Variants in PLEKHG5 observed in about 807,000 individuals in gnomAD.
PLEKHG5 encodes the protein pleckstrin homology and RhoGEF domain containing G5.
Under a neutral mutation model 103.8 loss-of-function variants are expected in PLEKHG5, and 52 were observed. That is an observed-to-expected ratio of 0.50 (90% confidence interval 0.40 to 0.63). The LOEUF is 0.63. PLEKHG5 is among the 30% of genes least tolerant of loss of function. The pLI, the probability that PLEKHG5 is intolerant of heterozygous loss-of-function variation, is 0.00. For missense variants in PLEKHG5, 1,205 were observed against 1,347.6 expected (o/e 0.89, Z 1.66); for synonymous variants, 592 against 575.5 (o/e 1.03, Z -0.41).
chr1:6,474,067 G>C lies in PLEKHG5; in HGVS notation c.537C>G (p.Pro179=). ...GGGCGTCCACACGCTCCAGGGCGGG[G>C]GGCCCGGTCCCAGCTGGCCGCAGAA... ...LPILRPAGTG[P]PALERVDAQS... Residue 179 remains proline, a synonymous_variant, in exon 7 of 21, where the codon CCC becomes CCG. Coordinates refer to ENST00000377728, the MANE Select transcript of PLEKHG5 (RefSeq NM_020631.6). The C allele has an allele frequency of 6.2e-7, 1 of 1,612,328 alleles. No homozygotes were observed.
chr1:6,511,513 C>A (rs980253203), intron 1 of PLEKHG5, among the ~76,000 whole-genome samples: 3 of 152,226 alleles, frequency 2.0e-5, no homozygotes, highest in African/African-American at 7.2e-5. Flanking sequence ...CTGGCGGTCA[C>A]CCAGCAGCTG....
At chr1:6,485,376 C>A in intron 1 of PLEKHG5, 1 of 1,414,212 alleles carries the variant, frequency 7.1e-7, no homozygotes, top group Admixed American at 3.1e-5. Flanking sequence ...CTCCGAGTCC[C>A]GGAGGGGCAG....
At chr1:6,496,919 G>A, upstream of PLEKHG5, 1 of 1,478,370 alleles carries the variant, frequency 6.8e-7, no homozygotes, top group South Asian at 1.3e-5. Flanking sequence ...GGCTGCTGGG[G>A]GGAAGGGGCT....
chr1:6,477,352 G>A (rs573490087), intron 2 of PLEKHG5, among the ~76,000 whole-genome samples, 177 bp downstream of exon 2: 4 of 152,350 alleles, frequency 2.6e-5, no homozygotes, highest in East Asian at 1.9e-4. Context: ...GAAGGGGCAC[G>A]CTCATGGACT....
chr1:6,470,531 T>C lies in PLEKHG5; in HGVS notation c.1655A>G (p.Glu552Gly), dbSNP rs758307498. The change falls in exon 15 of 21, where the codon GAA (glutamate) becomes GGA (glycine). Residue 552 changes from glutamate (E) to glycine (G), a missense_variant. Physicochemically the swap from Glu to Gly is moderately conservative, Grantham distance 98 (BLOSUM62 -2). Transcript: ENST00000377728. ...VSRIDAYEVVESSSDEVDKLL... is the reference protein window; with the variant it reads ...VSRIDAYEVVGSSSDEVDKLL... ...CTTGTCCACTTCGTCGCTGCTGCTTTCCACCACCTCGTAGGCGTCGATGCG... is the reference window on the plus strand; with the variant it reads ...CTTGTCCACTTCGTCGCTGCTGCTTCCCACCACCTCGTAGGCGTCGATGCG... The C allele has an allele frequency of 6.2e-7, 1 of 1,608,536 alleles. No homozygotes were observed. The highest frequency in any genetic ancestry group is 8.5e-7 in the Non-Finnish European group (1 of 1,179,882).
chr1:6,467,392 C>T lies in PLEKHG5; in HGVS notation c.*171G>A. The stretch of plus-strand genomic sequence containing the variant: ...GGTACTGTGGCCTGGGCCTCCTCCA[C>T]TCCATCCAGTCCGGCAAAGCGCAAA... On this transcript the variant is annotated 3_prime_UTR_variant, in exon 21 of 21. Coordinates refer to ENST00000377728, the MANE Select transcript of PLEKHG5 (RefSeq NM_020631.6). 1.3e-6 allele frequency: 1 copy of T among 788,776 alleles called. No individual in the cohort carries two copies. The highest frequency in any genetic ancestry group is 1.4e-5 in the South Asian group (1 of 72,920). 48.9% of individuals were successfully genotyped at this position (788,776 alleles called of 1,614,324 possible).
rs1569962206 is a variant in PLEKHG5 at position 6,490,770 on chromosome 1, G to A, written c.-88+867C>T. ...GGGGTAATCCAGGATCCGGGCTCAGGGGAGGGGGTGGGGGGCGTCACTGTC... is the reference window on the plus strand; with the variant it reads ...GGGGTAATCCAGGATCCGGGCTCAGAGGAGGGGGTGGGGGGCGTCACTGTC... On this transcript the variant is annotated intron_variant, in intron 1 of 20. Coordinates refer to ENST00000377728, the MANE Select transcript of PLEKHG5 (RefSeq NM_020631.6). The surrounding 1 kb of genome is among the most constrained non-coding windows in gnomAD (Gnocchi z 8.0). 6.6e-6 allele frequency among the ~76,000 whole-genome samples: 1 copy of A among 152,270 alleles called. No homozygotes were observed. The highest frequency in any genetic ancestry group is 1.9e-4 in the East Asian group (1 of 5,160).
chr1:6,469,252 G>T lies in PLEKHG5; in HGVS notation c.2050-11C>A. Reference sequence around the variant, plus strand: ...CTGTTGCAGCTGGTTCTGCAGGCAAGGTTGGGGTACATGGGACAGAATGGG... The same window carrying T: ...CTGTTGCAGCTGGTTCTGCAGGCAATGTTGGGGTACATGGGACAGAATGGG... On this transcript the variant is annotated splice_polypyrimidine_tract_variant and intron_variant, in intron 18 of 20. Coordinates refer to ENST00000377728, the MANE Select transcript of PLEKHG5 (RefSeq NM_020631.6). The T allele has an allele frequency of 6.2e-7, 1 of 1,613,940 alleles. No individual in the cohort carries two copies. Among genetic ancestry groups the T allele is most frequent in the Admixed American group, 1.7e-5 (1 of 60,024 alleles).
chr1:6,489,855 T>G lies in PLEKHG5; in HGVS notation c.-88+1782A>C, dbSNP rs72634726. Among the ~76,000 whole-genome samples the G allele has an allele frequency of 8.4e-3, 1,285 of 152,212 alleles. 11 individuals carry two copies. The highest frequency in any genetic ancestry group is 0.021 in the South Asian group (99 of 4,824). ...CCCCGGCTAAAGGGCAGGAGAATGG[T>G]AAAATACCCCCGAGCTCCCTCAACT... On this transcript the variant is annotated intron_variant, in intron 1 of 20. Transcript: ENST00000377728.
At chr1:6,513,963 T>C (rs1017116552) in intron 1 of PLEKHG5, among the ~76,000 whole-genome samples, 3 of 152,192 alleles carry the variant, frequency 2.0e-5, no homozygotes, top group African/African-American at 7.2e-5. Flanking sequence ...GGAGGCTGTT[T>C]CCTGAGAGCC....
rs1374325112 is a variant in PLEKHG5 at position 6,475,590 on chromosome 1, G to C, written c.150-68C>G. ...CCCTCGCCAGCGTGGGCGGCGAGTGGGCCTGTGGCCTCCCCGCCCTTGGCT... is the reference window on the plus strand; with the variant it reads ...CCCTCGCCAGCGTGGGCGGCGAGTGCGCCTGTGGCCTCCCCGCCCTTGGCT... On this transcript the variant is annotated intron_variant, in intron 3 of 20. Transcript: ENST00000377728. 6 of 1,330,516 alleles carry C rather than the reference G, an allele frequency of 4.5e-6. No homozygotes were observed. In the South Asian group the frequency reaches 5.8e-5, roughly 13 times the overall value. The allele number at this position is 1,330,516 out of a possible 1,614,324, so 82.4% of individuals were successfully genotyped here.
chr1:6,501,595 G>A (rs1645297498), upstream of PLEKHG5, among the ~76,000 whole-genome samples: 1 of 152,206 alleles, frequency 6.6e-6, no homozygotes, highest in African/African-American at 2.4e-5. The surrounding 1 kb of genome is among the most constrained non-coding windows in gnomAD (Gnocchi z 4.3). Flanking sequence ...CTAACTCTGT[G>A]TAGAGGAATG....
intron 1 of PLEKHG5, chr1:6,485,566 G>T: frequency 1.0e-6 from 1 of 975,794 alleles, no homozygotes; most frequent in Non-Finnish European, 1.3e-6. Flanking sequence ...GGCCGGGCCC[G>T]GAACAGCCCC....
intron 1 of PLEKHG5, chr1:6,485,419 C>T: frequency 2.2e-6 from 3 of 1,341,602 alleles, no homozygotes; most frequent in Non-Finnish European, 2.8e-6. Context: ...GCTAGGCGTC[C>T]GGAGACACCG....
intron 12 of PLEKHG5, 49 bp downstream of exon 12, chr1:6,471,439 G>A: frequency 6.3e-7 from 1 of 1,575,572 alleles, no homozygotes; most frequent in Non-Finnish European, 8.6e-7. Context: ...GCTTTTCGGC[G>A]CCCCAGCCCT....
chr1:6,496,560 C>A (rs1645228622), upstream of PLEKHG5: 1 of 1,575,498 alleles, frequency 6.3e-7, no homozygotes, highest in Non-Finnish European at 8.6e-7. Context: ...TTCAGCGGGG[C>A]TCTGGTCGTC....
chr1:6,494,474 G>A (rs772475356), upstream of PLEKHG5, among the ~76,000 whole-genome samples: 4 of 151,650 alleles, frequency 2.6e-5, no homozygotes, highest in Non-Finnish European at 2.9e-5. Flanking sequence ...ATATTGCCCA[G>A]GTTGGCCTCA....
chr1:6,500,329 A>G (rs146034917), upstream of PLEKHG5, among the ~76,000 whole-genome samples: 542 of 152,230 alleles, frequency 3.6e-3, 3 homozygotes, highest in African/African-American at 0.011. Context: ...CCCAGAGCAG[A>G]CAGGGCAGGA....
intron 16 of PLEKHG5, among the ~76,000 whole-genome samples, 183 bp downstream of exon 16, chr1:6,470,053 T>C (rs1389108955): frequency 6.6e-6 from 1 of 152,160 alleles, no homozygotes; most frequent in Non-Finnish European, 1.5e-5. Flanking sequence ...AACTGGTGCC[T>C]TCAAGGGCTA....
Sources: gnomAD v4.1 joint callset for allele counts (sites outside exome capture counted in the v4.1 genomes callset) on GRCh38, gnomAD v4.1.1 for gene constraint, Gnocchi (gnomAD v3.1) non-coding constraint, MANE v1.5 for transcripts, NCBI Gene and HGNC (gene_info 2026-07-23, HGNC 2026-07-21) for gene names.